DMD: variants seen among roughly 807,000 people sequenced by gnomAD.
DMD encodes dystrophin, also known as mutant dystrophin.
In DMD, 63 loss-of-function variants were observed where a neutral mutation model predicts 330.1. The ratio of observed to expected loss-of-function variants is 0.19; its 90% CI spans 0.16 to 0.24. The LOEUF (loss-of-function observed/expected upper bound fraction) is 0.24, where lower values mean the gene tolerates loss of function less well. DMD is among the 10% of genes least tolerant of loss of function. DMD has a pLI of 1.00. For synonymous variants in DMD, 1,223 were observed against 959.8 expected (o/e 1.27, Z -5.07); for missense variants, 3,344 against 2,684.1 (o/e 1.25, Z -5.43).
chrX:32,742,275 T>A (rs1260919265), intron 7 of DMD, among the ~76,000 whole-genome samples: 1 of 112,210 alleles, frequency 8.9e-6, no homozygotes, highest in Non-Finnish European at 1.9e-5. Flanking sequence ...ATGATGTGTT[T>A]ATTCCGTTCT....
intron 2 of DMD, among the ~76,000 whole-genome samples, chrX:33,007,642 G>A (rs2093422398): frequency 9.0e-6 from 1 of 111,223 alleles, no homozygotes; most frequent in East Asian, 2.8e-4. Flanking sequence ...GGTTTAGCTC[G>A]CTAGCTAACA....
intron 44 of DMD, among the ~76,000 whole-genome samples, chrX:32,156,130 C>G (rs751491649): frequency 8.9e-6 from 1 of 112,212 alleles, no homozygotes; most frequent in Non-Finnish European, 1.9e-5. Flanking sequence ...GCCTGTAAAC[C>G]CAGCACTTTG....
At chrX:31,754,803 C>T (rs1357823491) in intron 51 of DMD, among the ~76,000 whole-genome samples, 1 of 111,043 alleles carries the variant, frequency 9.0e-6, no homozygotes, top group Non-Finnish European at 1.9e-5. Flanking sequence ...GGGAGATGTA[C>T]TCGTATAATA....
chrX:31,839,873 T>G (rs1224737208), intron 48 of DMD, among the ~76,000 whole-genome samples: 1 of 112,112 alleles, frequency 8.9e-6, no homozygotes, highest in Admixed American at 9.5e-5. Flanking sequence ...TGAAGCATAG[T>G]AAACATTTAT....
intron 43 of DMD, among the ~76,000 whole-genome samples, chrX:32,243,742 C>T (rs2097218364): frequency 9.0e-6 from 1 of 111,227 alleles, no homozygotes; most frequent in African/African-American, 3.3e-5. Context: ...TCTCAAAATT[C>T]TTGAAAATTT....
At chrX:33,012,987 T>A (rs887978293) in intron 2 of DMD, among the ~76,000 whole-genome samples, 1 of 110,987 alleles carries the variant, frequency 9.0e-6, no homozygotes, top group Non-Finnish European at 1.9e-5. Context: ...AAATCCTCTG[T>A]GAGTAAGCGA....
At chrX:32,953,531 C>T (rs897828707) in intron 2 of DMD, among the ~76,000 whole-genome samples, 7 of 111,738 alleles carry the variant, frequency 6.3e-5, no homozygotes, top group African/African-American at 2.3e-4. Context: ...TCATTGGCAT[C>T]AAAGATTTTA....
At chrX:31,803,482 T>C (rs2092156723) in intron 50 of DMD, among the ~76,000 whole-genome samples, 1 of 112,157 alleles carries the variant, frequency 8.9e-6, no homozygotes, top group Non-Finnish European at 1.9e-5. Context: ...TTTATGTAAA[T>C]ACAACCCCAA....
At chrX:31,568,092 T>C (rs1277626492) in intron 55 of DMD, among the ~76,000 whole-genome samples, 1 of 111,778 alleles carries the variant, frequency 8.9e-6, no homozygotes, top group Non-Finnish European at 1.9e-5. Context: ...GTTTTTCTTT[T>C]GTCTTTCTCT....
At chrX:32,605,061 T>C (rs756598220) in intron 12 of DMD, among the ~76,000 whole-genome samples, 1 of 110,450 alleles carries the variant, frequency 9.1e-6, no homozygotes, top group Non-Finnish European at 1.9e-5. Context: ...GTAAAATACA[T>C]AGAGAATCAA....
At chrX:31,309,938 A>G (rs1306746579) in intron 62 of DMD, among the ~76,000 whole-genome samples, 1 of 111,528 alleles carries the variant, frequency 9.0e-6, no homozygotes, top group Non-Finnish European at 1.9e-5. Context: ...GTTTATTTAC[A>G]ATAAGCTATC....
intron 44 of DMD, among the ~76,000 whole-genome samples, chrX:32,066,805 G>T (rs997839798): frequency 9.9e-5 from 11 of 111,217 alleles, no homozygotes; most frequent in African/African-American, 3.6e-4. Context: ...AACATTTTTC[G>T]GATGCACAAA....
chrX:32,655,035 CTCTTT>C (rs1210567475), intron 9 of DMD, among the ~76,000 whole-genome samples: 4 of 111,422 alleles, frequency 3.6e-5, no homozygotes, highest in African/African-American at 6.5e-5. Flanking sequence ...TGATTCTTCT[CTCTTT>C]TCTTATTAGT....
At chrX:31,809,192 T>C (rs1239832566) in intron 50 of DMD, among the ~76,000 whole-genome samples, 1 of 106,042 alleles carries the variant, frequency 9.4e-6, no homozygotes, top group Non-Finnish European at 1.9e-5. Flanking sequence ...AGTTTATATA[T>C]AAATATATAT....
At chrX:31,161,661 T>C (rs1602268090) in intron 74 of DMD, among the ~76,000 whole-genome samples, 1 of 111,580 alleles carries the variant, frequency 9.0e-6, no homozygotes, top group South Asian at 3.8e-4. Flanking sequence ...TCCATCCCCT[T>C]CTTCACTTGC....
rs398124083 is a variant in DMD at position 31,323,658 on chromosome X, G to A, written c.9164C>T (p.Thr3055Met). Reference protein sequence around the residue: ...FGPASQHFLSTSVQGPWERAI... With the variant: ...FGPASQHFLSMSVQGPWERAI... ...TCTCTCCCAGGGACCCTGGACAGAC[G>A]CTGAAAAGAAGGGAGGAAAAAAAGA... Residue 3055 changes from threonine (T) to methionine (M), a missense_variant and splice_region_variant, in exon 62 of 79, where the codon ACG becomes ATG. Coordinates refer to ENST00000357033, the MANE Select transcript of DMD (RefSeq NM_004006.3). 1.7e-6 allele frequency: 2 copies of A among 1,208,177 alleles called. No individual in the cohort carries two copies. Among genetic ancestry groups the A allele is most frequent in the East Asian group, 5.9e-5 (2 of 33,841 alleles).
intron 7 of DMD, among the ~76,000 whole-genome samples, chrX:32,759,958 A>G (rs926015239): frequency 1.8e-5 from 2 of 111,845 alleles, no homozygotes; most frequent in African/African-American, 6.5e-5. Flanking sequence ...TAACTGTAAA[A>G]TAAGATAGAG....
At chrX:31,731,295 T>G (rs1478641144) in intron 51 of DMD, among the ~76,000 whole-genome samples, 1 of 111,705 alleles carries the variant, frequency 9.0e-6, no homozygotes, top group African/African-American at 3.2e-5. Context: ...GTGGCATAAG[T>G]CAGCTGGAGA....
chrX:33,021,844 T>C (rs2093920203), intron 1 of DMD, among the ~76,000 whole-genome samples: 1 of 111,761 alleles, frequency 8.9e-6, no homozygotes, highest in Non-Finnish European at 1.9e-5. Flanking sequence ...AGCTACAATA[T>C]GGAAGTATTT....
Sources: allele counts gnomAD v4.1 joint callset (sites outside exome capture counted in the v4.1 genomes callset), GRCh38; gene constraint gnomAD v4.1.1; transcripts MANE v1.5; gene names NCBI Gene and HGNC (gene_info 2026-07-23, HGNC 2026-07-21).